The following KIF13A variants were observed in gnomAD, a reference collection of about 807,000 sequenced individuals.
The protein encoded by KIF13A is kinesin family member 13A.
KIF13A carries 79 observed loss-of-function variants against 212.2 expected under a neutral mutation model. That is an observed-to-expected ratio of 0.37 (90% confidence interval 0.31 to 0.45). The LOEUF is 0.45. KIF13A is among the 20% of genes least tolerant of loss of function. The probability of loss-of-function intolerance (pLI) is 1.00; values close to 1 mark genes in which losing one functional copy is unlikely to be tolerated. For missense variants in KIF13A, 1,901 were observed against 2,209.0 expected (o/e 0.86, Z 2.79); for synonymous variants, 789 against 808.6 (o/e 0.98, Z 0.41).
At chr6:17,908,193 G>A (rs980254397) in intron 2 of KIF13A, among the ~76,000 whole-genome samples, 2 of 152,204 alleles carry the variant, frequency 1.3e-5, no homozygotes, top group Admixed American at 1.3e-4. Context: ...ACAGTGTGAA[G>A]GGACTTTCCA....
At chr6:17,896,291 C>T (rs1190835063) in intron 3 of KIF13A, among the ~76,000 whole-genome samples, 3 of 134,772 alleles carry the variant, frequency 2.2e-5, no homozygotes, top group Admixed American at 8.3e-5. Context: ...ACTCATGCAG[C>T]ACCTGTCCCC....
rs1772657852 is a variant in KIF13A at position 17,897,291 on chromosome 6, T to C, written c.159+877A>G. 1.3e-5 allele frequency among the ~76,000 whole-genome samples: 2 copies of C among 152,322 alleles called. 1 individual carries two copies. The highest frequency in any genetic ancestry group is 3.9e-4 in the East Asian group (2 of 5,188). On this transcript the variant is annotated intron_variant, in intron 3 of 38. Transcript: ENST00000259711. The surrounding 1 kb of genome is among the most constrained non-coding windows in gnomAD (Gnocchi z 4.8). ...CCGTCACCCAACTTGTCTTAGATTC[T>C]GACCATATAATTTGTGTAGGTAAAG...
chr6:17,787,251 TGAGATA>T lies in KIF13A; in HGVS notation c.3361+519_3361+524del, dbSNP rs1240855449. On this transcript the variant is annotated intron_variant, in intron 27 of 38. Coordinates refer to ENST00000259711, the MANE Select transcript of KIF13A (RefSeq NM_022113.6). This position sits in a 1 kb window ranked among gnomAD's most constrained non-coding sequence, Gnocchi z 4.6. ...TTTGACATTTAATGTCACAGTTTTA[TGAGATA>T]ATTCTGAGTTTTATGAAAACTTACT... Among the ~76,000 whole-genome samples, 3 of 152,254 alleles carry T rather than the reference TGAGATA, an allele frequency of 2.0e-5. No homozygotes were observed. Among genetic ancestry groups the T allele is most frequent in the Non-Finnish European group, 2.9e-5 (2 of 68,042 alleles).
chr6:17,804,645 C>T, intron 19 of KIF13A, 135 bp from the exon 20 acceptor site: 1 of 958,906 alleles, frequency 1.0e-6, no homozygotes, highest in Non-Finnish European at 1.5e-6. Context: ...ATTATAATGT[C>T]ACATAAATAA....
At chr6:17,823,005 T>C (rs1392560153) in intron 16 of KIF13A, among the ~76,000 whole-genome samples, 1 of 151,700 alleles carries the variant, frequency 6.6e-6, no homozygotes, top group East Asian at 1.9e-4. Context: ...CATAAAGTTG[T>C]TTTTTCCTAC....
intron 4 of KIF13A, among the ~76,000 whole-genome samples, chr6:17,858,856 A>T (rs936308920): frequency 1.3e-5 from 2 of 152,216 alleles, no homozygotes; most frequent in African/African-American, 4.8e-5. Context: ...TAAGTCAAGC[A>T]TCCTGACCAT....
rs1760819233 is a variant in KIF13A at position 17,783,863 on chromosome 6, T to C, written c.3489-162A>G. On this transcript the variant is annotated intron_variant, in intron 28 of 38. Transcript: ENST00000259711. The surrounding 1 kb of genome is among the most constrained non-coding windows in gnomAD (Gnocchi z 4.3). ...TTCTTGACTTCCCTGTAGACATAAA[T>C]CATGGGAATTATATGACTTACATAA... 1.3e-5 allele frequency among the ~76,000 whole-genome samples: 2 copies of C among 152,318 alleles called. No homozygotes were observed. The highest frequency in any genetic ancestry group is 1.5e-5 in the Non-Finnish European group (1 of 68,030).
chr6:17,778,835 A>C, intron 33 of KIF13A, 112 bp downstream of exon 33: 1 of 1,239,020 alleles, frequency 8.1e-7, no homozygotes, highest in South Asian at 1.3e-5. Context: ...AGATGGCTCA[A>C]GTGCTCCTTC....
chr6:17,835,234 A>AAAAAAG (rs1765839091), intron 11 of KIF13A, among the ~76,000 whole-genome samples: 2 of 129,644 alleles, frequency 1.5e-5, no homozygotes, highest in African/African-American at 5.7e-5. Flanking sequence ...AAAAAAAAAA[A>AAAAAAG]AAAAAGAAAC....
At chr6:17,902,748 C>T (rs1242123846) in intron 2 of KIF13A, among the ~76,000 whole-genome samples, 2 of 152,170 alleles carry the variant, frequency 1.3e-5, no homozygotes, top group African/African-American at 2.4e-5. Context: ...CACTTATTGG[C>T]ACACATAAAG....
At chr6:17,983,221 T>A (rs1414502905) in intron 2 of KIF13A, among the ~76,000 whole-genome samples, 1 of 149,818 alleles carries the variant, frequency 6.7e-6, no homozygotes, top group Non-Finnish European at 1.5e-5. Flanking sequence ...TTAAAAAATA[T>A]ATAAATACTT....
At chr6:17,891,910 T>C (rs1772097959) in intron 3 of KIF13A, among the ~76,000 whole-genome samples, 1 of 152,188 alleles carries the variant, frequency 6.6e-6, no homozygotes. Flanking sequence ...GCAGAGTGAG[T>C]CCCAAGGTGC....
At position 17,868,017 on chromosome 6, in the gene KIF13A, GAAT is replaced by G. The variant is rs568077749; in HGVS notation, c.220+5357_220+5359del. 1.6e-4 allele frequency among the ~76,000 whole-genome samples: 24 copies of G among 152,352 alleles called. No individual in the cohort carries two copies. In the East Asian group the frequency reaches 4.6e-3, roughly 29 times the overall value. Reference sequence around the variant, plus strand: ...CTCACAGTATAAAGCAATGCTAGCAGAATAAGAGGCAGATGTACAACCTTTCTC... The same window carrying G: ...CTCACAGTATAAAGCAATGCTAGCAGAAGAGGCAGATGTACAACCTTTCTC... On this transcript the variant is annotated intron_variant, in intron 4 of 38. Coordinates refer to ENST00000259711, the MANE Select transcript of KIF13A (RefSeq NM_022113.6).
intron 3 of KIF13A, among the ~76,000 whole-genome samples, chr6:17,896,712 G>A (rs893841669): frequency 3.9e-5 from 6 of 152,212 alleles, no homozygotes; most frequent in African/African-American, 1.4e-4. Context: ...TCACTAGAAA[G>A]TGACAAGAAC....
chr6:17,914,569 T>G lies in KIF13A; in HGVS notation c.147-16389A>C, dbSNP rs997682388. Among the ~76,000 whole-genome samples, 3 of 152,152 alleles carry G rather than the reference T, an allele frequency of 2.0e-5. No homozygotes were observed. The highest frequency in any genetic ancestry group is 7.2e-5 in the African/African-American group (3 of 41,434). On this transcript the variant is annotated intron_variant, in intron 2 of 38. Transcript: ENST00000259711. This position sits in a 1 kb window ranked among gnomAD's most constrained non-coding sequence, Gnocchi z 5.9. ...ATTTTATGAAATCACTATCCACCAA[T>G]AACGGATCCTCAGCCCTTTTTTCAA...
chr6:17,794,900 C>T lies in KIF13A; in HGVS notation c.2943-196G>A. 1 of 557,214 alleles carries T rather than the reference C, an allele frequency of 1.8e-6. No homozygotes were observed. The highest frequency in any genetic ancestry group is 3.1e-6 in the Non-Finnish European group (1 of 324,582). 34.5% of individuals were successfully genotyped at this position (557,214 alleles called of 1,614,324 possible). ...TTTTTATTTATTTTACTGAGGTAGA[C>T]TGAAATGTCCACATCTTGAGTATAG... is the stretch of plus-strand genomic sequence containing the variant. On this transcript the variant is annotated intron_variant, in intron 23 of 38. Coordinates refer to ENST00000259711, the MANE Select transcript of KIF13A (RefSeq NM_022113.6). This position sits in a 1 kb window ranked among gnomAD's most constrained non-coding sequence, Gnocchi z 4.1.
chr6:17,855,190 CA>C lies in KIF13A; in HGVS notation c.494+246del, dbSNP rs145420248. Among the ~76,000 whole-genome samples, 7 of 149,020 alleles carry C rather than the reference CA, an allele frequency of 4.7e-5. No homozygotes were observed. The highest frequency in any genetic ancestry group is 4.2e-4 in the South Asian group (2 of 4,738). On this transcript the variant is annotated intron_variant, in intron 6 of 38. Transcript: ENST00000259711. The surrounding 1 kb of genome is among the most constrained non-coding windows in gnomAD (Gnocchi z 4.1). ...AATTTTTGTGAATAGTTCATGGTGG[CA>C]AAAAAAAATACCAATAGTAAAAACA... is the stretch of plus-strand genomic sequence containing the variant.
chr6:17,762,641 C>T (rs892643283), downstream of KIF13A, among the ~76,000 whole-genome samples: 4 of 152,166 alleles, frequency 2.6e-5, no homozygotes, highest in Non-Finnish European at 4.4e-5. Flanking sequence ...GCCTTCTTGA[C>T]GAACAAGGGT....
chr6:17,806,029 C>A (rs62394110), intron 18 of KIF13A, among the ~76,000 whole-genome samples: 29,025 of 151,586 alleles, frequency 0.19, 2,930 homozygotes, highest in South Asian at 0.32. Flanking sequence ...CAGGAATCCT[C>A]CCACCTCAGC....
Sources: gnomAD v4.1 joint callset for allele counts (sites outside exome capture counted in the v4.1 genomes callset) on GRCh38, gnomAD v4.1.1 for gene constraint, Gnocchi (gnomAD v3.1) non-coding constraint, MANE v1.5 for transcripts, NCBI Gene and HGNC (gene_info 2026-07-23, HGNC 2026-07-21) for gene names.